The following GLI2 variants were observed in gnomAD, a reference collection of about 807,000 sequenced individuals.
The protein encoded by GLI2 is GLI family zinc finger 2.
Under a neutral mutation model 78.9 loss-of-function variants are expected in GLI2, and 22 were observed. That is an observed-to-expected ratio of 0.28 (90% confidence interval 0.20 to 0.40). GLI2 has a LOEUF of 0.40. GLI2 is among the 10% of genes least tolerant of loss of function. The pLI, the probability that GLI2 is intolerant of heterozygous loss-of-function variation, is 1.00. For synonymous variants in GLI2, 974 were observed against 963.7 expected (o/e 1.01, Z -0.20); for missense variants, 2,097 against 2,213.2 (o/e 0.95, Z 1.05).
chr2:120,947,102 C>T (rs894616780), intron 3 of GLI2, among the ~76,000 whole-genome samples: 5 of 152,282 alleles, frequency 3.3e-5, no homozygotes, highest in East Asian at 1.9e-4. Flanking sequence ...GAAGCTGAAA[C>T]GGTGGGGAGA....
chr2:120,897,582 G>C (rs1001262751), intron 2 of GLI2, among the ~76,000 whole-genome samples: 1 of 152,120 alleles, frequency 6.6e-6, no homozygotes, highest in African/African-American at 2.4e-5. Context: ...AGTCTCCTCT[G>C]GATGACATCA....
chr2:120,961,081 C>T lies in GLI2; in HGVS notation c.643+5651C>T, dbSNP rs145402080. Among the ~76,000 whole-genome samples, 624 of 152,248 alleles carry T rather than the reference C, an allele frequency of 4.1e-3. 2 individuals carry two copies. The highest frequency in any genetic ancestry group is 7.1e-3 in the Non-Finnish European group (481 of 68,016). ...ATGCTGTTGAATATTGGTGATTTAA[C>T]GACAGAACAGCCACCCCCTCCCCCT... On this transcript the variant is annotated intron_variant, in intron 5 of 13. Transcript: ENST00000361492.
intron 1 of GLI2, among the ~76,000 whole-genome samples, chr2:120,789,765 A>G (rs1684094624): frequency 6.6e-6 from 1 of 152,266 alleles, no homozygotes. Flanking sequence ...TGGAGAAAGT[A>G]GAAAACTAGA....
At chr2:120,913,516 G>A (rs749073720) in intron 2 of GLI2, among the ~76,000 whole-genome samples, 1 of 152,082 alleles carries the variant, frequency 6.6e-6, no homozygotes, top group Non-Finnish European at 1.5e-5. Context: ...GGCCCACATT[G>A]TATTTCTGTT....
chr2:120,942,961 C>T (rs1278976079), intron 3 of GLI2, among the ~76,000 whole-genome samples: 1 of 150,842 alleles, frequency 6.6e-6, no homozygotes, highest in Non-Finnish European at 1.5e-5. Context: ...TTCATTCATT[C>T]GTTCACGCCC....
chr2:120,844,997 G>A (rs945859087), intron 2 of GLI2, among the ~76,000 whole-genome samples: 2 of 152,276 alleles, frequency 1.3e-5, no homozygotes, highest in African/African-American at 4.8e-5. Flanking sequence ...AAGAAGCTGG[G>A]CACGGTGGCT....
chr2:120,807,733 A>T (rs185898331), intron 2 of GLI2, among the ~76,000 whole-genome samples: 4 of 152,158 alleles, frequency 2.6e-5, no homozygotes, highest in African/African-American at 9.7e-5. Context: ...ACAAGCTCAC[A>T]TCTGAGGCCG....
chr2:120,968,468 C>T (rs568504195), intron 5 of GLI2, among the ~76,000 whole-genome samples: 19 of 152,354 alleles, frequency 1.2e-4, no homozygotes, highest in African/African-American at 4.3e-4. Context: ...CATATTCACT[C>T]GCCCAAACAC....
At chr2:120,977,612 C>G (rs1361896791) in intron 9 of GLI2, among the ~76,000 whole-genome samples, 1 of 152,184 alleles carries the variant, frequency 6.6e-6, no homozygotes, top group African/African-American at 2.4e-5. Context: ...AAGGGGAGGC[C>G]TCTAAGACCT....
intron 11 of GLI2, 21 bp from the exon 12 acceptor site, chr2:120,984,450 C>G: frequency 6.2e-7 from 1 of 1,613,780 alleles, no homozygotes. Flanking sequence ...ATCCATGACA[C>G]AGGCCTGCTT....
At chr2:120,917,797 C>T (rs969246185) in intron 2 of GLI2, among the ~76,000 whole-genome samples, 11 of 152,160 alleles carry the variant, frequency 7.2e-5, no homozygotes, top group African/African-American at 2.2e-4. Context: ...TCCTTTTAAA[C>T]GGAATTCACA....
At chr2:120,759,143 T>A (rs1266217147) in intron 1 of GLI2, among the ~76,000 whole-genome samples, 1 of 152,234 alleles carries the variant, frequency 6.6e-6, no homozygotes, top group Non-Finnish European at 1.5e-5. Flanking sequence ...CAGTTTCTCT[T>A]ACACTCTCAC....
intron 5 of GLI2, 79 bp from the exon 6 acceptor site, chr2:120,968,635 C>T: frequency 1.9e-6 from 2 of 1,060,976 alleles, no homozygotes; most frequent in South Asian, 1.3e-5. Context: ...CTTGCAGGCT[C>T]TTCCTATCCC....
chr2:120,791,367 C>T (rs1346964411), intron 1 of GLI2, among the ~76,000 whole-genome samples: 3 of 152,160 alleles, frequency 2.0e-5, no homozygotes, highest in African/African-American at 4.8e-5. Flanking sequence ...GTCATTTTCC[C>T]AGTGGAGACA....
chr2:120,863,224 T>C (rs567427128), intron 2 of GLI2, among the ~76,000 whole-genome samples: 1 of 152,290 alleles, frequency 6.6e-6, no homozygotes, highest in Non-Finnish European at 1.5e-5. Flanking sequence ...ACAAGTTCCC[T>C]AAAGAGGAGC....
chr2:120,891,688 C>T (rs1158264644), intron 2 of GLI2, among the ~76,000 whole-genome samples: 2 of 152,168 alleles, frequency 1.3e-5, no homozygotes, highest in Non-Finnish European at 2.9e-5. Flanking sequence ...GGGGAGCCGG[C>T]TATGCTCCTG....
intron 11 of GLI2, among the ~76,000 whole-genome samples, chr2:120,983,720 C>G (rs1436465920): frequency 2.6e-5 from 4 of 152,208 alleles, no homozygotes; most frequent in Admixed American, 1.3e-4. Context: ...CACACAATTA[C>G]TGTCGCTCAG....
chr2:120,872,782 T>C (rs1045191702), intron 2 of GLI2, among the ~76,000 whole-genome samples: 2 of 152,208 alleles, frequency 1.3e-5, no homozygotes, highest in African/African-American at 2.4e-5. Context: ...TTAAATGAGC[T>C]CTTGTGCTTG....
intron 1 of GLI2, among the ~76,000 whole-genome samples, chr2:120,763,820 T>G (rs1207302523): frequency 1.3e-5 from 2 of 152,212 alleles, no homozygotes; most frequent in Non-Finnish European, 2.9e-5. Flanking sequence ...TGGGTGGGGC[T>G]GTGAAAGGCA....
Sources: gnomAD v4.1 joint callset for allele counts (sites outside exome capture counted in the v4.1 genomes callset) on GRCh38, gnomAD v4.1.1 for gene constraint, MANE v1.5 for transcripts, NCBI Gene and HGNC (gene_info 2026-07-23, HGNC 2026-07-21) for gene names.